Variants in AAMDC observed in about 807,000 individuals in gnomAD.
AAMDC encodes adipogenesis associated Mth938 domain containing.
Under a neutral mutation model 15.5 loss-of-function variants are expected in AAMDC, and 16 were observed. The ratio of observed to expected loss-of-function variants is 1.03; its 90% CI spans 0.70 to 1.57. The LOEUF is 1.57. Among genes scored for constraint, AAMDC ranks in the 40% most tolerant of loss-of-function variants. The probability of loss-of-function intolerance (pLI) is 0.00; values close to 1 mark genes in which losing one functional copy is unlikely to be tolerated. For missense variants in AAMDC, 141 were observed against 144.9 expected (o/e 0.97, Z 0.14); for synonymous variants, 51 against 51.6 (o/e 0.99, Z 0.05).
chr11:77,833,638 C>G (rs905113139), intron 1 of AAMDC, among the ~76,000 whole-genome samples: 1 of 152,166 alleles, frequency 6.6e-6, no homozygotes, highest in Non-Finnish European at 1.5e-5. Context: ...GACTCCTGCT[C>G]TATGAATCTT....
At chr11:77,841,000 A>G (rs1165838781) in intron 1 of AAMDC, 2 of 517,534 alleles carry the variant, frequency 3.9e-6, no homozygotes, top group East Asian at 5.7e-5. Flanking sequence ...TATAATGAAA[A>G]TAATTTTTTT....
At chr11:77,840,093 A>G (rs930249782) in intron 1 of AAMDC, among the ~76,000 whole-genome samples, 1 of 81,276 alleles carries the variant, frequency 1.2e-5, no homozygotes. Flanking sequence ...AGAGGGGGAC[A>G]GTAAACACAC....
intron 5 of AAMDC, among the ~76,000 whole-genome samples, chr11:77,900,392 C>A (rs975125949): frequency 6.4e-4 from 98 of 152,176 alleles, no homozygotes; most frequent in Non-Finnish European, 1.2e-3. Flanking sequence ...AGCCACCACA[C>A]CCGGCCACAT....
At chr11:77,842,436 CT>C in intron 1 of AAMDC, 42 bp from the exon 2 acceptor site, 1 of 1,574,778 alleles carries the variant, frequency 6.4e-7, no homozygotes, top group Non-Finnish European at 8.7e-7. Flanking sequence ...CTGTTTCAGC[CT>C]TACTTTATAA....
At chr11:77,900,266 A>G (rs1184240521) in intron 5 of AAMDC, among the ~76,000 whole-genome samples, 1 of 151,852 alleles carries the variant, frequency 6.6e-6, no homozygotes, top group East Asian at 1.9e-4. Flanking sequence ...TGCCCGGCTA[A>G]TTTTATGTAT....
intron 3 of AAMDC, among the ~76,000 whole-genome samples, chr11:77,871,616 A>G (rs1191384510): frequency 6.6e-6 from 1 of 152,208 alleles, no homozygotes; most frequent in East Asian, 1.9e-4. Context: ...CCTGTGATGT[A>G]AGTACTATTA....
At position 77,861,057 on chromosome 11, in the gene AAMDC, C is replaced by T. The variant is rs187520767; in HGVS notation, c.133-8665C>T. On this transcript the variant is annotated intron_variant, in intron 2 of 3. Coordinates refer to ENST00000393427, the MANE Select transcript of AAMDC (RefSeq NM_024684.4). ...GTCTAAGCGGGTATTGCCTTTGGTA[C>T]GGAAAGGAGGCAGAATCCTTTAATT... 1.9e-4 allele frequency among the ~76,000 whole-genome samples: 29 copies of T among 152,134 alleles called. No individual in the cohort carries two copies. The East Asian group carries it at 5.0e-3, about 26-fold the overall frequency.
chr11:77,839,750 A>G (rs1219491965), intron 1 of AAMDC, among the ~76,000 whole-genome samples: 1 of 152,134 alleles, frequency 6.6e-6, no homozygotes, highest in Non-Finnish European at 1.5e-5. Flanking sequence ...GTTCTCACTT[A>G]TAAGTGGGTG....
chr11:77,862,862 C>T (rs1950940689), intron 2 of AAMDC, among the ~76,000 whole-genome samples: 1 of 152,204 alleles, frequency 6.6e-6, no homozygotes, highest in African/African-American at 2.4e-5. Context: ...AAATATAAGT[C>T]GTTTCTTTCT....
At chr11:77,890,807 T>G (rs1893924) in intron 5 of AAMDC, among the ~76,000 whole-genome samples, 1 of 152,244 alleles carries the variant, frequency 6.6e-6, no homozygotes, top group Non-Finnish European at 1.5e-5. Context: ...TGGGGCTTAA[T>G]TGCACTGTCT....
At chr11:77,879,696 T>A (rs779459119) in intron 5 of AAMDC, among the ~76,000 whole-genome samples, 3 of 152,304 alleles carry the variant, frequency 2.0e-5, no homozygotes, top group Non-Finnish European at 4.4e-5. Flanking sequence ...AATCATCTAG[T>A]GTCTCTATGT....
At chr11:77,828,588 G>A (rs1021142080) in intron 1 of AAMDC, among the ~76,000 whole-genome samples, 20 of 149,748 alleles carry the variant, frequency 1.3e-4, no homozygotes, top group African/African-American at 2.0e-4. Context: ...GAAGAATGGC[G>A]TGAACCCGGG....
exon 6 of AAMDC, chr11:77,900,673 A>C (rs1952752460): frequency 1.0e-5 from 7 of 688,790 alleles, no homozygotes; most frequent in Non-Finnish European, 1.8e-5. Context: ...ATGCACCTTT[A>C]TTTTATGAAA....
chr11:77,859,582 C>T (rs1231947399), intron 2 of AAMDC, among the ~76,000 whole-genome samples: 3 of 152,166 alleles, frequency 2.0e-5, no homozygotes, highest in Non-Finnish European at 4.4e-5. Context: ...GCCAGCTGAG[C>T]ACTAGTTCCT....
At chr11:77,822,381 C>CTCCA (rs1041306719) in intron 1 of AAMDC, among the ~76,000 whole-genome samples, 1 of 140,856 alleles carries the variant, frequency 7.1e-6, no homozygotes, top group African/African-American at 2.7e-5. Context: ...CGCCACTGCA[C>CTCCA]TCCAGCCTGA....
intron 5 of AAMDC, among the ~76,000 whole-genome samples, chr11:77,897,795 G>A (rs919470503): frequency 3.3e-5 from 5 of 151,642 alleles, no homozygotes; most frequent in Admixed American, 2.6e-4. Context: ...GTTAGCCACC[G>A]CACCCAGCCA....
chr11:77,891,911 AC>A, intron 5 of AAMDC: 1 of 1,596,580 alleles, frequency 6.3e-7, no homozygotes, highest in Non-Finnish European at 8.5e-7. Flanking sequence ...GGCCCCAGAC[AC>A]CTATCAAACC....
chr11:77,828,285 A>C (rs1949268332), intron 1 of AAMDC, among the ~76,000 whole-genome samples: 1 of 152,032 alleles, frequency 6.6e-6, no homozygotes, highest in South Asian at 2.1e-4. Flanking sequence ...AAAAAAACAA[A>C]ATACACAAAC....
At chr11:77,879,654 T>A (rs1951717319) in intron 5 of AAMDC, among the ~76,000 whole-genome samples, 1 of 152,186 alleles carries the variant, frequency 6.6e-6, no homozygotes, top group African/African-American at 2.4e-5. Context: ...TCTGAAAACA[T>A]CTCATTCTTT....
Sources: gnomAD v4.1 joint callset for allele counts (sites outside exome capture counted in the v4.1 genomes callset) on GRCh38, gnomAD v4.1.1 for gene constraint, MANE v1.5 for transcripts, NCBI Gene and HGNC (gene_info 2026-07-23, HGNC 2026-07-21) for gene names.